The following MAML3 variants were observed in gnomAD, a reference collection of about 807,000 sequenced individuals.
MAML3 encodes the protein mastermind-like protein 3.
A neutral mutation model predicts 101.9 loss-of-function variants in MAML3; 27 were observed. The ratio of observed to expected loss-of-function variants is 0.27; its 90% CI spans 0.20 to 0.37. The LOEUF (loss-of-function observed/expected upper bound fraction) is 0.37. Among genes scored for constraint, MAML3 ranks in the 10% least tolerant of loss-of-function variants. The pLI, the probability that MAML3 is intolerant of heterozygous loss-of-function variation, is 1.00. For synonymous variants in MAML3, 501 were observed against 555.9 expected, an observed-to-expected ratio of 0.90 and a Z score of 1.39; for missense variants, 1,316 against 1,444.9, an observed-to-expected ratio of 0.91 and a Z score of 1.45.
intron 1 of MAML3, among the ~76,000 whole-genome samples, chr4:139,966,227 T>C (rs1338487812): frequency 2.0e-5 from 3 of 152,222 alleles, no homozygotes; most frequent in Non-Finnish European, 4.4e-5. Flanking sequence ...ATATGTATCA[T>C]GTGTACCTGT....
At chr4:139,812,609 G>C (rs76411611) in intron 2 of MAML3, among the ~76,000 whole-genome samples, 2,015 of 152,276 alleles carry the variant, frequency 0.013, 44 homozygotes, top group African/African-American at 0.046. Context: ...TCTGGCACTT[G>C]GCTTCAAGAA....
intron 1 of MAML3, among the ~76,000 whole-genome samples, chr4:140,058,081 T>C (rs994122853): frequency 1.3e-5 from 2 of 152,124 alleles, no homozygotes; most frequent in African/African-American, 2.4e-5. Flanking sequence ...AAAAATGGAA[T>C]GTAGATTACT....
chr4:139,815,855 C>T (rs1171674979), intron 2 of MAML3, among the ~76,000 whole-genome samples: 1 of 152,130 alleles, frequency 6.6e-6, no homozygotes, highest in Non-Finnish European at 1.5e-5. Flanking sequence ...AGGAGATAAA[C>T]ACCAGCTTGA....
At chr4:139,944,801 A>G (rs1712589420) in intron 1 of MAML3, among the ~76,000 whole-genome samples, 1 of 145,700 alleles carries the variant, frequency 6.9e-6, no homozygotes, top group Non-Finnish European at 1.5e-5. Flanking sequence ...AGGAAACAAC[A>G]GGTGCTGGAG....
chr4:139,879,608 G>A lies in MAML3; in HGVS notation c.2079+9749C>T, dbSNP rs549729177. ...TGGTAGTGGTTGGGAGAAAATGGTC[G>A]TGGTGGTGATAGTGGTTGGGAGATG... On this transcript the variant is annotated intron_variant, in intron 2 of 4. Coordinates refer to ENST00000509479, the MANE Select transcript of MAML3 (RefSeq NM_018717.5). Among the ~76,000 whole-genome samples the A allele has an allele frequency of 3.2e-3, 465 of 146,382 alleles. 6 individuals carry two copies. Among genetic ancestry groups the A allele is most frequent in the African/African-American group, 0.011 (424 of 39,348 alleles).
chr4:139,863,974 A>C (rs377217041), intron 2 of MAML3, among the ~76,000 whole-genome samples: 47 of 152,194 alleles, frequency 3.1e-4, no homozygotes, highest in East Asian at 2.1e-3. Flanking sequence ...TTGTAACAAA[A>C]TATTTCATTA....
chr4:140,041,652 G>C (rs1727088367), intron 1 of MAML3, among the ~76,000 whole-genome samples: 1 of 152,092 alleles, frequency 6.6e-6, no homozygotes, highest in Non-Finnish European at 1.5e-5. Context: ...GAGAAGGGAA[G>C]AGAGGGCAAG....
intron 2 of MAML3, among the ~76,000 whole-genome samples, chr4:139,755,727 C>T (rs940780504): frequency 1.3e-5 from 2 of 152,110 alleles, no homozygotes; most frequent in African/African-American, 2.4e-5. Context: ...CAGGGCCCTG[C>T]GCAGTCTGTT....
At chr4:140,102,733 G>C (rs1728273385) in intron 1 of MAML3, among the ~76,000 whole-genome samples, 1 of 151,952 alleles carries the variant, frequency 6.6e-6, no homozygotes, top group South Asian at 2.1e-4. Context: ...GCAGAGCCAG[G>C]GTAGACACCC....
At chr4:139,734,464 A>G (rs564576655) in intron 2 of MAML3, among the ~76,000 whole-genome samples, 1 of 152,188 alleles carries the variant, frequency 6.6e-6, no homozygotes, top group South Asian at 2.1e-4. Flanking sequence ...CAAAAATCCA[A>G]CTGTGGCTAC....
chr4:139,890,677 T>C lies in MAML3; in HGVS notation c.759A>G (p.Lys253=). The C allele has an allele frequency of 6.2e-7, 1 of 1,613,894 alleles. No individual in the cohort carries two copies. The part of the protein sequence containing the change: ...LSKNGRLPEI[K]LPVNGCSDLE... ...GGTCACTGCAACCGTTGACAGGAAG[T>C]TTAATCTCAGGGAGCCTACCATTCT... The change falls in exon 2 of 5, where the codon AAA becomes AAG. Residue 253 remains lysine (K), a synonymous_variant. Coordinates refer to ENST00000509479, the MANE Select transcript of MAML3 (RefSeq NM_018717.5). This position sits in a 1 kb window ranked among gnomAD's most constrained non-coding sequence, Gnocchi z 4.1.
At chr4:140,125,744 C>A (rs1473652262) in intron 1 of MAML3, among the ~76,000 whole-genome samples, 1 of 152,132 alleles carries the variant, frequency 6.6e-6, no homozygotes. Context: ...AGGCATGAGC[C>A]ACAGTGCCCA....
chr4:139,916,580 GC>G (rs1333501154), intron 1 of MAML3, among the ~76,000 whole-genome samples: 33 of 152,306 alleles, frequency 2.2e-4, no homozygotes, highest in Admixed American at 5.9e-4. Context: ...TGTATGCTGT[GC>G]TCCAGGTGGC....
chr4:139,997,978 C>T (rs531420681), intron 1 of MAML3, among the ~76,000 whole-genome samples: 4 of 152,044 alleles, frequency 2.6e-5, no homozygotes, highest in African/African-American at 9.6e-5. Flanking sequence ...TTGAACAATC[C>T]GACTATGATG....
At chr4:139,897,152 A>G (rs1398582200) in intron 1 of MAML3, among the ~76,000 whole-genome samples, 1 of 152,230 alleles carries the variant, frequency 6.6e-6, no homozygotes, top group Non-Finnish European at 1.5e-5. Context: ...ACTATTAATA[A>G]TGAAGATTCT....
At chr4:139,887,578 ACT>A (rs1181256870) in intron 2 of MAML3, among the ~76,000 whole-genome samples, 2 of 152,226 alleles carry the variant, frequency 1.3e-5, no homozygotes, top group Non-Finnish European at 2.9e-5. Flanking sequence ...AAAGACAGGA[ACT>A]TGTCCCAAGT....
intron 1 of MAML3, among the ~76,000 whole-genome samples, chr4:140,124,519 G>C (rs2280501): frequency 0.33 from 50,424 of 152,016 alleles, 9,194 homozygotes; most frequent in Admixed American, 0.43. Flanking sequence ...ATTAGGAAGT[G>C]TTCTCTTAAG....
At chr4:140,137,443 A>G (rs999456545) in intron 1 of MAML3, among the ~76,000 whole-genome samples, 1 of 152,228 alleles carries the variant, frequency 6.6e-6, no homozygotes, top group African/African-American at 2.4e-5. Flanking sequence ...CCAGTAATCA[A>G]ATATTTTTCT....
intron 2 of MAML3, among the ~76,000 whole-genome samples, chr4:139,818,204 A>T (rs1203596162): frequency 1.3e-5 from 2 of 152,196 alleles, no homozygotes; most frequent in Non-Finnish European, 2.9e-5. Context: ...GATCTCTGAG[A>T]AACCTTCCTT....
Sources: allele counts gnomAD v4.1 joint callset (sites outside exome capture counted in the v4.1 genomes callset), GRCh38; gene constraint gnomAD v4.1.1; non-coding constraint Gnocchi (gnomAD v3.1); transcripts MANE v1.5; gene names NCBI Gene and HGNC (gene_info 2026-07-23, HGNC 2026-07-21).